The following RTCB variants were observed in gnomAD, a reference collection of about 807,000 sequenced individuals.
RTCB encodes RNA-splicing ligase RTCB.
In RTCB, 32 loss-of-function variants were observed where a neutral mutation model predicts 58.2. That is an observed-to-expected ratio of 0.55 (90% CI 0.41 to 0.74). RTCB has a LOEUF of 0.74. Among genes scored for constraint, RTCB ranks in the 30% least tolerant of loss-of-function variants. The pLI, the probability that RTCB is intolerant of heterozygous loss-of-function variation, is 0.00. For synonymous variants in RTCB, 247 were observed against 218.6 expected (o/e 1.13, Z -1.15); for missense variants, 523 against 639.0 (o/e 0.82, Z 1.96).
At chr22:32,407,908 G>A in intron 3 of RTCB, 1 of 414,574 alleles carries the variant, frequency 2.4e-6, no homozygotes, top group Admixed American at 3.8e-5. Context: ...CAACAAGCAT[G>A]TGACATCACA....
Position 32,395,187 on chromosome 22 carries a change from G to A in RTCB, c.1018C>T (p.Pro340Ser), listed in dbSNP as rs970188402. ...QAFAKVFNTT[P>S]DDLDLHVIYD... ...ATCACATGTAGGTCCAAGTCATCAG[G>A]GGTTGTGTTGAAGACCTTGGCGAAA... Residue 340 changes from proline to serine, a missense_variant, in exon 9 of 12, where the codon CCT becomes TCT. Coordinates refer to ENST00000216038, the MANE Select transcript of RTCB (RefSeq NM_014306.5). 1 of 1,614,192 alleles carries A rather than the reference G, an allele frequency of 6.2e-7. No individual in the cohort carries two copies. The highest frequency in any genetic ancestry group is 1.1e-5 in the South Asian group (1 of 91,078).
chr22:32,401,820 G>T lies in RTCB; in HGVS notation c.424C>A (p.Gln142Lys), dbSNP rs199904567. ...TGGTCAAACATAGCTTGGGCAAGTTGCTCCTTCACAGGCTGGACATCACTT... is the reference window on the plus strand; with the variant it reads ...TGGTCAAACATAGCTTGGGCAAGTTTCTCCTTCACAGGCTGGACATCACTT... ...DESDVQPVKE[Q>K]LAQAMFDHIP... Residue 142 changes from glutamine (Q) to lysine (K), a missense_variant, in exon 5 of 12, where the codon CAA becomes AAA. By Grantham distance (53) the Gln-to-Lys change is moderately conservative (BLOSUM62 1). Around this residue, in one of 3 missense-constraint regions of RTCB, gnomAD observed 141 missense variants for 216.7 expected, o/e 0.65. Coordinates refer to ENST00000216038, the MANE Select transcript of RTCB (RefSeq NM_014306.5). The T allele has an allele frequency of 6.1e-5, 98 of 1,614,004 alleles. No homozygotes were observed. Among genetic ancestry groups the T allele is most frequent in the Non-Finnish European group, 2.0e-5 (24 of 1,179,918 alleles).
In RTCB at chr22:32,412,101, C is replaced by T. The variant is rs1262398189; in HGVS notation, c.56G>A (p.Cys19Tyr). The T allele has an allele frequency of 6.2e-7, 1 of 1,609,752 alleles. No individual in the cohort carries two copies. Among genetic ancestry groups the T allele is most frequent in the South Asian group, 1.1e-5 (1 of 90,392 alleles). ...LQFLEKINKNCWRIKKGFVPN... is the reference protein window; with the variant it reads ...LQFLEKINKNYWRIKKGFVPN... ...CACGAAGCCCTTCTTGATCCTCCAG[C>T]AGTTTTTATTGATCTTCTCCAAGAA... is the stretch of plus-strand genomic sequence containing the variant. The change falls in exon 1 of 12, where the codon TGC (cysteine) becomes TAC (tyrosine). Residue 19 changes from cysteine (C) to tyrosine (Y), a missense_variant. Cys to Tyr is a radical substitution (Grantham distance 194). Transcript: ENST00000216038.
At chr22:32,409,759 G>C (rs560518147) in intron 1 of RTCB, among the ~76,000 whole-genome samples, 54 of 151,934 alleles carry the variant, frequency 3.6e-4, no homozygotes, top group African/African-American at 1.2e-3. Flanking sequence ...AGGGGAGATA[G>C]AAAGAATATA....
At position 32,393,367 on chromosome 22, in the gene RTCB, T is replaced by C. The variant is rs555314625; in HGVS notation, c.1290+525A>G. ...CCAAAAGCCTAAAATATTTACGGTC[T>C]GGCCCTTTATGGGAAGAGTTTCCTG... On this transcript the variant is annotated intron_variant, in intron 10 of 11. Coordinates refer to ENST00000216038, the MANE Select transcript of RTCB (RefSeq NM_014306.5). 1.8e-4 allele frequency among the ~76,000 whole-genome samples: 27 copies of C among 152,344 alleles called. No individual in the cohort carries two copies. In the South Asian group the frequency reaches 5.6e-3, roughly 32 times the overall value.
chr22:32,409,612 C>T (rs1221915130), intron 1 of RTCB, among the ~76,000 whole-genome samples: 1 of 152,150 alleles, frequency 6.6e-6, no homozygotes, highest in Non-Finnish European at 1.5e-5. Flanking sequence ...AAGATGACTT[C>T]ATCACCATTG....
intron 9 of RTCB, 131 bp from the exon 10 acceptor site, chr22:32,394,133 T>A: frequency 1.8e-6 from 1 of 564,626 alleles, no homozygotes; most frequent in Non-Finnish European, 3.1e-6. Context: ...TTTTTTGAGA[T>A]GGGAGTCTTG....
rs1933539043 is a variant in RTCB, at chr22:32,412,110, T to C, written c.47A>G (p.Asn16Ser). ...NDELQFLEKINKNCWRIKKGF... is the reference protein window; with the variant it reads ...NDELQFLEKISKNCWRIKKGF... ...CTTCTTGATCCTCCAGCAGTTTTTA[T>C]TGATCTTCTCCAAGAACTGCAGCTC... Residue 16 changes from asparagine to serine, a missense_variant, in exon 1 of 12, where the codon AAT becomes AGT. Physicochemically the swap from Asn to Ser is conservative, Grantham distance 46. Around this residue, in one of 3 missense-constraint regions of RTCB, gnomAD observed 134 missense variants for 129.9 expected, o/e 1.03. Coordinates refer to ENST00000216038, the MANE Select transcript of RTCB (RefSeq NM_014306.5). 2.3e-5 allele frequency: 37 copies of C among 1,609,854 alleles called. No individual in the cohort carries two copies. The highest frequency in any genetic ancestry group is 4.0e-5 in the African/African-American group (3 of 74,908).
chr22:32,399,101 C>G (rs759966734), intron 6 of RTCB, among the ~76,000 whole-genome samples: 2 of 152,058 alleles, frequency 1.3e-5, no homozygotes, highest in Non-Finnish European at 2.9e-5. Flanking sequence ...TAAACATATT[C>G]TATTTTTCTC....
intron 4 of RTCB, among the ~76,000 whole-genome samples, chr22:32,403,281 C>T (rs1439418191): frequency 6.6e-6 from 1 of 151,986 alleles, no homozygotes; most frequent in Non-Finnish European, 1.5e-5. Context: ...GTGGCGGGTG[C>T]CTGTAGTCCC....
intron 10 of RTCB, 138 bp from the exon 11 acceptor site, chr22:32,392,497 C>T (rs923155087): frequency 1.8e-6 from 2 of 1,091,718 alleles, no homozygotes; most frequent in South Asian, 1.3e-5. Context: ...TTTTAAACCT[C>T]ATCATATCCT....
chr22:32,402,216 C>A (rs1933347683), intron 4 of RTCB, among the ~76,000 whole-genome samples: 1 of 152,134 alleles, frequency 6.6e-6, no homozygotes, highest in African/African-American at 2.4e-5. Context: ...TTTTTTCAGT[C>A]TTTTCAAATA....
chr22:32,390,162 T>C (rs894068585), intron 11 of RTCB, among the ~76,000 whole-genome samples: 2 of 152,218 alleles, frequency 1.3e-5, no homozygotes, highest in Non-Finnish European at 2.9e-5. Flanking sequence ...TTTTATTTCA[T>C]AGAACTTGCA....
intron 6 of RTCB, among the ~76,000 whole-genome samples, chr22:32,399,198 G>A (rs1211879299): frequency 3.3e-5 from 5 of 152,050 alleles, no homozygotes; most frequent in Non-Finnish European, 5.9e-5. Context: ...GTGCACTGGC[G>A]TGATCACAGC....
chr22:32,393,805 G>A, intron 10 of RTCB, 87 bp downstream of exon 10: 2 of 919,480 alleles, frequency 2.2e-6, no homozygotes, highest in Admixed American at 1.8e-5. Context: ...CTCTGTTAAT[G>A]TTCAATCAGC....
chr22:32,406,978 TGTTA>T (rs1223886860), intron 3 of RTCB, among the ~76,000 whole-genome samples: 2 of 152,196 alleles, frequency 1.3e-5, no homozygotes, highest in Admixed American at 6.5e-5. Context: ...AAGATCTGAA[TGTTA>T]ATTAAGGAAA....
chr22:32,394,052 T>C lies in RTCB; in HGVS notation c.1180-50A>G, dbSNP rs764879120. The C allele has an allele frequency of 4.6e-5, 58 of 1,249,304 alleles. 1 individual carries two copies. The South Asian group carries it at 6.7e-4, about 14-fold the overall frequency. 77.4% of individuals were successfully genotyped at this position (1,249,304 alleles called of 1,614,324 possible). On this transcript the variant is annotated intron_variant, in intron 9 of 11. Coordinates refer to ENST00000216038, the MANE Select transcript of RTCB (RefSeq NM_014306.5). Reference sequence around the variant, plus strand: ...TGTTAAAATTCAGAAAAACATAGGCTTTTTATGCATAAAATTTAAATTTTC... The same window carrying C: ...TGTTAAAATTCAGAAAAACATAGGCCTTTTATGCATAAAATTTAAATTTTC...
chr22:32,408,945 C>G (rs1266980321), intron 1 of RTCB, 112 bp from the exon 2 acceptor site: 3 of 754,942 alleles, frequency 4.0e-6, no homozygotes, highest in Non-Finnish European at 6.9e-6. Context: ...TTACCAAACA[C>G]TTTCACGTTA....
intron 1 of RTCB, 149 bp from the exon 2 acceptor site, chr22:32,408,982 CA>C: frequency 1.6e-6 from 1 of 615,482 alleles, no homozygotes; most frequent in Non-Finnish European, 2.9e-6. Context: ...AACTTCCTAT[CA>C]AAGACTACGA....
Sources: allele counts gnomAD v4.1 joint callset (sites outside exome capture counted in the v4.1 genomes callset), GRCh38; gene constraint gnomAD v4.1.1; regional missense constraint gnomAD v4.1.1; transcripts MANE v1.5; gene names NCBI Gene and HGNC (gene_info 2026-07-23, HGNC 2026-07-21).